PAX5: variants seen among roughly 807,000 people sequenced by gnomAD.
PAX5 encodes paired box 5.
A neutral mutation model predicts 43.7 loss-of-function variants in PAX5; 9 were observed. The observed-to-expected ratio is 0.21, with a 90% CI of 0.12 to 0.36. The LOEUF (loss-of-function observed/expected upper bound fraction) is 0.36. PAX5 is among the 10% of genes least tolerant of loss of function. PAX5 has a pLI of 1.00. For synonymous variants in PAX5, 228 were observed against 214.3 expected (o/e 1.06, Z -0.56); for missense variants, 383 against 532.7 (o/e 0.72, Z 2.77).
intron 4 of PAX5, among the ~76,000 whole-genome samples, chr9:37,003,779 G>C (rs1443078730): frequency 6.6e-6 from 1 of 152,212 alleles, no homozygotes; most frequent in Non-Finnish European, 1.5e-5. Context: ...CGAGGTTGTA[G>C]TGAGCTATGA....
chr9:36,981,118 C>T (rs906429286), intron 5 of PAX5, among the ~76,000 whole-genome samples: 5 of 151,880 alleles, frequency 3.3e-5, no homozygotes, highest in Admixed American at 3.3e-4. Flanking sequence ...TGGCTCACTC[C>T]TCCCTCCATT....
chr9:36,943,083 C>T (rs1161087688), intron 6 of PAX5, among the ~76,000 whole-genome samples: 1 of 152,226 alleles, frequency 6.6e-6, no homozygotes, highest in Non-Finnish European at 1.5e-5. Context: ...CCTAGCCCTG[C>T]CAAATCCAGC....
At chr9:36,888,483 A>C (rs1328261604) in intron 7 of PAX5, among the ~76,000 whole-genome samples, 1 of 152,248 alleles carries the variant, frequency 6.6e-6, no homozygotes, top group Non-Finnish European at 1.5e-5. Flanking sequence ...TTCATAATGA[A>C]CTTGAAATGA....
intron 5 of PAX5, among the ~76,000 whole-genome samples, chr9:36,996,944 C>T (rs1837447733): frequency 6.6e-6 from 1 of 152,012 alleles, no homozygotes; most frequent in Non-Finnish European, 1.5e-5. Context: ...AAAAAGAAAG[C>T]TAGTGAGAGC....
chr9:36,881,752 A>ACGT (rs918300235), intron 8 of PAX5, among the ~76,000 whole-genome samples: 15 of 151,942 alleles, frequency 9.9e-5, no homozygotes, highest in Non-Finnish European at 1.9e-4. Context: ...CAGACTCTGT[A>ACGT]CGTGGCCAAC....
chr9:36,863,872 AG>A (rs1460824165), intron 8 of PAX5, among the ~76,000 whole-genome samples: 1 of 152,162 alleles, frequency 6.6e-6, no homozygotes, highest in East Asian at 1.9e-4. Context: ...GTACTTTGGG[AG>A]GCTAAGGTGG....
At chr9:36,895,070 C>A (rs1827729742) in intron 7 of PAX5, among the ~76,000 whole-genome samples, 1 of 152,224 alleles carries the variant, frequency 6.6e-6, no homozygotes, top group Non-Finnish European at 1.5e-5. Flanking sequence ...GGCTGGTGCC[C>A]ATGGCCCACT....
chr9:36,953,513 G>T (rs1311181686), intron 6 of PAX5, among the ~76,000 whole-genome samples: 2 of 151,940 alleles, frequency 1.3e-5, no homozygotes, highest in Non-Finnish European at 2.9e-5. Flanking sequence ...TTCTGGTTTT[G>T]TTTTTTCATT....
At chr9:36,850,482 G>A (rs535899088) in intron 8 of PAX5, among the ~76,000 whole-genome samples, 8 of 152,336 alleles carry the variant, frequency 5.3e-5, no homozygotes, top group South Asian at 2.1e-4. Flanking sequence ...TGCGGCCTCC[G>A]GAGGTGCAGC....
At chr9:36,927,692 T>C (rs1369434422) in intron 6 of PAX5, among the ~76,000 whole-genome samples, 2 of 148,914 alleles carry the variant, frequency 1.3e-5, no homozygotes, top group African/African-American at 4.9e-5. Flanking sequence ...TCACCATCTG[T>C]GCCTTTCCTT....
chr9:36,864,956 G>A (rs1335964786), intron 8 of PAX5, among the ~76,000 whole-genome samples: 1 of 152,264 alleles, frequency 6.6e-6, no homozygotes, highest in Non-Finnish European at 1.5e-5. Flanking sequence ...TGGCAGGCGG[G>A]CTGGGGTGTG....
intron 6 of PAX5, among the ~76,000 whole-genome samples, chr9:36,925,488 AC>A (rs1348632341): frequency 3.3e-5 from 5 of 152,186 alleles, no homozygotes; most frequent in African/African-American, 9.6e-5. Flanking sequence ...TCCAGTCCAG[AC>A]CCTGGTCCGT....
At chr9:36,864,986 C>CAA (rs1824721368) in intron 8 of PAX5, among the ~76,000 whole-genome samples, 1 of 152,226 alleles carries the variant, frequency 6.6e-6, no homozygotes, top group Non-Finnish European at 1.5e-5. Context: ...CAGAGAGAGG[C>CAA]ACCGCGGCCT....
chr9:36,851,183 G>GA (rs1823124356), intron 8 of PAX5, among the ~76,000 whole-genome samples: 1 of 152,174 alleles, frequency 6.6e-6, no homozygotes, highest in Non-Finnish European at 1.5e-5. Context: ...GTTACTGGAA[G>GA]AACAAAACTA....
chr9:36,922,885 G>A (rs1359385320), intron 7 of PAX5: 1 of 156,862 alleles, frequency 6.4e-6, no homozygotes, highest in East Asian at 1.9e-4. Flanking sequence ...ACTTCCAGAG[G>A]GAAGCTGCTT....
intron 1 of PAX5, among the ~76,000 whole-genome samples, chr9:37,023,948 C>T (rs976033019): frequency 1.3e-5 from 2 of 152,064 alleles, no homozygotes; most frequent in African/African-American, 4.8e-5. Context: ...ATGTGTATAC[C>T]CACTGCCCTC....
At chr9:36,881,192 C>T (rs1826379448) in intron 8 of PAX5, among the ~76,000 whole-genome samples, 1 of 152,244 alleles carries the variant, frequency 6.6e-6, no homozygotes, top group Admixed American at 6.5e-5. Context: ...ATACACTGAA[C>T]TATTTGTCTA....
At chr9:36,865,378 A>T (rs1824768491) in intron 8 of PAX5, among the ~76,000 whole-genome samples, 1 of 152,182 alleles carries the variant, frequency 6.6e-6, no homozygotes, top group Non-Finnish European at 1.5e-5. Flanking sequence ...GTTTCTTTCC[A>T]TCTGAGCAGG....
intron 7 of PAX5, among the ~76,000 whole-genome samples, chr9:36,901,874 A>C (rs1356304437): frequency 1.3e-5 from 2 of 152,306 alleles, no homozygotes; most frequent in East Asian, 3.9e-4. Context: ...AACAGATGTA[A>C]AATCACTTAG....
Sources: gnomAD v4.1 joint callset for allele counts (sites outside exome capture counted in the v4.1 genomes callset) on GRCh38, gnomAD v4.1.1 for gene constraint, MANE v1.5 for transcripts, NCBI Gene and HGNC (gene_info 2026-07-23, HGNC 2026-07-21) for gene names.